Variants in BCAS3 observed in about 807,000 individuals in gnomAD.
BCAS3 encodes BCAS4/BCAS3 fusion.
A neutral mutation model predicts 116.1 loss-of-function variants in BCAS3; 53 were observed. The observed-to-expected ratio is 0.46, with a 90% CI of 0.37 to 0.57. BCAS3 has a LOEUF of 0.57. Among genes scored for constraint, BCAS3 ranks in the 20% least tolerant of loss-of-function variants. BCAS3 has a pLI of 0.00. For synonymous variants in BCAS3, 391 were observed against 408.2 expected, an observed-to-expected ratio of 0.96 and a Z score of 0.51; for missense variants, 917 against 1,165.4, an observed-to-expected ratio of 0.79 and a Z score of 3.10.
intron 7 of BCAS3, among the ~76,000 whole-genome samples, chr17:60,868,226 C>T (rs1324247605): frequency 6.6e-6 from 1 of 151,918 alleles, no homozygotes; most frequent in South Asian, 2.1e-4. Context: ...AGGGTTTCAC[C>T]ATGTTGGCCA....
intron 19 of BCAS3, chr17:61,070,372 T>A (rs777250300): frequency 3.0e-5 from 3 of 100,780 alleles, no homozygotes; most frequent in Non-Finnish European, 4.8e-5. Context: ...TCTGAATATA[T>A]ATATATATAT....
chr17:61,392,357 T>C lies in BCAS3; in HGVS notation c.*232T>C, dbSNP rs1327284276. On this transcript the variant is annotated 3_prime_UTR_variant, in exon 24 of 24. Coordinates refer to ENST00000407086, the MANE Select transcript of BCAS3 (RefSeq NM_017679.5). The surrounding 1 kb of genome is among the most constrained non-coding windows in gnomAD (Gnocchi z 6.4). ...GGTGGAGGCTGTGGCCAGGAGAGACTGTAGAAGCTCGGTCCCTGTGTATGT... is the reference window on the plus strand; with the variant it reads ...GGTGGAGGCTGTGGCCAGGAGAGACCGTAGAAGCTCGGTCCCTGTGTATGT... 7.1e-5 allele frequency: 35 copies of C among 491,332 alleles called. No homozygotes were observed. The South Asian group carries it at 1.3e-3, about 18-fold the overall frequency. 30.4% of individuals were successfully genotyped at this position (491,332 alleles called of 1,614,324 possible).
chr17:60,947,122 C>A, intron 13 of BCAS3, 97 bp from the exon 14 acceptor site: 1 of 1,223,828 alleles, frequency 8.2e-7, no homozygotes, highest in Non-Finnish European at 1.1e-6. Context: ...ATTTTTTTCC[C>A]ATTGGTAATA....
chr17:61,373,740 A>G (rs1448025116), intron 23 of BCAS3, among the ~76,000 whole-genome samples: 1 of 84,748 alleles, frequency 1.2e-5, no homozygotes, highest in African/African-American at 3.3e-5. Context: ...CCCCTGTTTA[A>G]AGTATTCTTG....
intron 6 of BCAS3, among the ~76,000 whole-genome samples, chr17:60,768,442 A>G (rs1239308724): frequency 6.6e-6 from 1 of 152,192 alleles, no homozygotes. Flanking sequence ...CTCCCAGCCT[A>G]CATCATTTTC....
intron 13 of BCAS3, among the ~76,000 whole-genome samples, chr17:60,942,288 G>A (rs777689152): frequency 2.5e-4 from 38 of 152,080 alleles, no homozygotes; most frequent in African/African-American, 8.7e-4. Flanking sequence ...TTAGCTGGGC[G>A]TGGCGGCGGG....
intron 22 of BCAS3, among the ~76,000 whole-genome samples, chr17:61,267,442 A>G (rs550244952): frequency 6.6e-6 from 1 of 152,012 alleles, no homozygotes; most frequent in Non-Finnish European, 1.5e-5. Context: ...TTTTGAAAAG[A>G]AAAAACTAAT....
At chr17:61,242,074 C>G (rs1202623368) in intron 22 of BCAS3, among the ~76,000 whole-genome samples, 1 of 151,926 alleles carries the variant, frequency 6.6e-6, no homozygotes, top group Non-Finnish European at 1.5e-5. Flanking sequence ...GTTGGGAATT[C>G]GAAACCAGCC....
At chr17:61,078,715 A>G (rs1431276389) in intron 21 of BCAS3, among the ~76,000 whole-genome samples, 186 bp downstream of exon 21, 1 of 152,234 alleles carries the variant, frequency 6.6e-6, no homozygotes, top group Non-Finnish European at 1.5e-5. Context: ...GGATCACATT[A>G]CGTGCAATAA....
chr17:60,744,389 G>A (rs2041858114), intron 5 of BCAS3, among the ~76,000 whole-genome samples: 1 of 152,178 alleles, frequency 6.6e-6, no homozygotes, highest in Non-Finnish European at 1.5e-5. Flanking sequence ...TGGACATAAT[G>A]TATAAAATTA....
chr17:60,713,609 C>G (rs2038194489), intron 5 of BCAS3, among the ~76,000 whole-genome samples: 1 of 152,152 alleles, frequency 6.6e-6, no homozygotes, highest in African/African-American at 2.4e-5. Flanking sequence ...ATTTCCTAAA[C>G]AATGCAGTAT....
chr17:60,687,138 G>C (rs1329079409), intron 3 of BCAS3, among the ~76,000 whole-genome samples: 1 of 152,208 alleles, frequency 6.6e-6, no homozygotes, highest in Non-Finnish European at 1.5e-5. Flanking sequence ...TGTGTGTAGT[G>C]TGTTAGAAAC....
intron 7 of BCAS3, among the ~76,000 whole-genome samples, chr17:60,819,432 T>A (rs951705825): frequency 6.6e-5 from 10 of 152,250 alleles, no homozygotes; most frequent in African/African-American, 2.4e-4. Context: ...ATCTAAAGAC[T>A]GTGTGAGATT....
intron 16 of BCAS3, among the ~76,000 whole-genome samples, chr17:61,031,671 AC>A (rs1439438980): frequency 1.4e-4 from 21 of 152,070 alleles, no homozygotes; most frequent in Non-Finnish European, 2.8e-4. Context: ...GAATGTGTTT[AC>A]CCAATATGCT....
chr17:61,084,596 C>A lies in BCAS3; in HGVS notation c.2425+32C>A. The A allele has an allele frequency of 1.3e-6, 2 of 1,510,368 alleles. No individual in the cohort carries two copies. Among genetic ancestry groups the A allele is most frequent in the Non-Finnish European group, 9.2e-7 (1 of 1,087,140 alleles). The allele number at this position is 1,510,368 out of a possible 1,614,324, so 93.6% of individuals were successfully genotyped here. On this transcript the variant is annotated intron_variant, in intron 22 of 23. Transcript: ENST00000407086. This position sits in a 1 kb window ranked among gnomAD's most constrained non-coding sequence, Gnocchi z 5.5. ...AACCACCTCTGAAATATTTATTGGG[C>A]AGTCCTGTGCATTTTTAACTAATTT...
In BCAS3 at chr17:61,015,812, G is replaced by T; in HGVS notation, c.1548G>T (p.Arg516=). 1.1e-5 allele frequency: 18 copies of T among 1,613,882 alleles called. No homozygotes were observed. The highest frequency in any genetic ancestry group is 2.7e-5 in the African/African-American group (2 of 74,994). The change falls in exon 16 of 24, where the codon CGG becomes CGT. Residue 516 remains arginine (R), a synonymous_variant. Transcript: ENST00000407086. ...NFTNNNPGNP[R]LSPLPSLMVV... ...CCAACAACAACCCTGGCAACCCTCG[G>T]CTCTCTCCTCTTCCCAGCTTGATGG...
In BCAS3 at chr17:61,323,964, C is replaced by A. The variant is rs141927372; in HGVS notation, c.2426-44363C>A. Among the ~76,000 whole-genome samples the A allele has an allele frequency of 6.6e-6, 1 of 152,208 alleles. No homozygotes were observed. Among genetic ancestry groups the A allele is most frequent in the African/African-American group, 2.4e-5 (1 of 41,464 alleles). On this transcript the variant is annotated intron_variant, in intron 22 of 23. Transcript: ENST00000407086. The surrounding 1 kb of genome is among the most constrained non-coding windows in gnomAD (Gnocchi z 4.6). ...TGATAGCTCATTGTCAAAGGTTGGG[C>A]GGGAGACGAGGTAAGAACTGTTAGT...
rs538191941 is a variant in BCAS3, at chr17:61,229,681, A to G, written c.2426-138646A>G. Among the ~76,000 whole-genome samples, 1 of 152,364 alleles carries G rather than the reference A, an allele frequency of 6.6e-6. No individual in the cohort carries two copies. Among genetic ancestry groups the G allele is most frequent in the East Asian group, 1.9e-4 (1 of 5,188 alleles). ...CAGCCTCAGTCCACGTTCATGAGCC[A>G]CATTCTTGTGCTTCTCCATTTACAT... On this transcript the variant is annotated intron_variant, in intron 22 of 23. Coordinates refer to ENST00000407086, the MANE Select transcript of BCAS3 (RefSeq NM_017679.5). This position sits in a 1 kb window ranked among gnomAD's most constrained non-coding sequence, Gnocchi z 4.4.
Position 61,222,660 on chromosome 17 carries a change from C to T in BCAS3, c.2425+138096C>T, listed in dbSNP as rs1020189803. On this transcript the variant is annotated intron_variant, in intron 22 of 23. Transcript: ENST00000407086. This position sits in a 1 kb window ranked among gnomAD's most constrained non-coding sequence, Gnocchi z 6.1. The stretch of plus-strand genomic sequence containing the variant: ...ATTGTTGATTGGGTGATTTATGTCA[C>T]GTGGTATATGGGTTTTTTTTGTTTG... Among the ~76,000 whole-genome samples the T allele has an allele frequency of 6.6e-6, 1 of 151,986 alleles. No individual in the cohort carries two copies. Among genetic ancestry groups the T allele is most frequent in the South Asian group, 2.1e-4 (1 of 4,806 alleles).
Sources: allele counts gnomAD v4.1 joint callset (sites outside exome capture counted in the v4.1 genomes callset), GRCh38; gene constraint gnomAD v4.1.1; non-coding constraint Gnocchi (gnomAD v3.1); transcripts MANE v1.5; gene names NCBI Gene and HGNC (gene_info 2026-07-23, HGNC 2026-07-21).